DOCK5: variants seen among roughly 807,000 people sequenced by gnomAD.
The protein encoded by DOCK5 is dedicator of cytokinesis 5.
In DOCK5, 142 loss-of-function variants were observed where a neutral mutation model predicts 251.8. That is an observed-to-expected ratio of 0.56 (90% CI 0.49 to 0.65). DOCK5 has a LOEUF of 0.65. DOCK5 is among the 30% of genes least tolerant of loss of function. The pLI is 0.00. For missense variants in DOCK5, 2,111 were observed against 2,312.3 expected, an observed-to-expected ratio of 0.91 and a Z score of 1.79; for synonymous variants, 842 against 835.5, an observed-to-expected ratio of 1.01 and a Z score of -0.13.
At chr8:25,195,690 T>TC (rs1438113530) in intron 1 of DOCK5, among the ~76,000 whole-genome samples, 1 of 152,188 alleles carries the variant, frequency 6.6e-6, no homozygotes, top group Non-Finnish European at 1.5e-5. Context: ...AATCCCTGCT[T>TC]AGAGAGAGCC....
chr8:25,382,741 T>C lies in DOCK5; in HGVS notation c.4094T>C (p.Val1365Ala), dbSNP rs1801091631. The change falls in exon 40 of 52, where the codon GTT (valine) becomes GCT (alanine). Residue 1365 changes from valine (V) to alanine (A), a missense_variant. Transcript: ENST00000276440. ...AGGCCTCAGCCTGAATACTTTGCTGTTGGATACTATGGACAGGGCTTTCCT... is the reference window on the plus strand; with the variant it reads ...AGGCCTCAGCCTGAATACTTTGCTGCTGGATACTATGGACAGGGCTTTCCT... ...AMRPQPEYFAVGYYGQGFPSF... is the reference protein window; with the variant it reads ...AMRPQPEYFAAGYYGQGFPSF... 1 of 1,613,800 alleles carries C rather than the reference T, an allele frequency of 6.2e-7. No individual in the cohort carries two copies. The highest frequency in any genetic ancestry group is 8.5e-7 in the Non-Finnish European group (1 of 1,179,816).
intron 10 of DOCK5, among the ~76,000 whole-genome samples, chr8:25,303,546 C>G (rs1368602790): frequency 6.6e-6 from 1 of 152,106 alleles, no homozygotes; most frequent in East Asian, 1.9e-4. Flanking sequence ...ACATTTTGGG[C>G]CTTACATTGA....
chr8:25,402,498 A>G (rs1327287274), intron 47 of DOCK5, among the ~76,000 whole-genome samples: 3 of 152,096 alleles, frequency 2.0e-5, no homozygotes, highest in African/African-American at 4.8e-5. Context: ...AGGTTTCACC[A>G]TGTTAGCCGG....
At chr8:25,340,395 A>T (rs1409876306) in intron 22 of DOCK5, among the ~76,000 whole-genome samples, 2 of 152,240 alleles carry the variant, frequency 1.3e-5, no homozygotes, top group African/African-American at 4.8e-5. Flanking sequence ...TTGACCAGTT[A>T]GTGGTGAAAT....
In DOCK5 at chr8:25,412,079, T is replaced by TTTTTTG. The variant is rs1801641136; in HGVS notation, c.*786_*787insGTTTTT. 2.7e-4 allele frequency: 1 copy of TTTTTTG among 3,760 alleles called. No homozygotes were observed. The highest frequency in any genetic ancestry group is 3.4e-3 in the Admixed American group (1 of 294). 0.2% of individuals were successfully genotyped at this position (3,760 alleles called of 1,614,324 possible). A position where few individuals can be genotyped will look rare whatever the true frequency, so the allele number is the denominator to read the frequency against. On this transcript the variant is annotated 3_prime_UTR_variant, in exon 52 of 52. Transcript: ENST00000276440. ...AAGCTCTTCCTTTTGCACATACGGC[T>TTTTTTG]TTTTTTTTTTTTTTTTTTTTTTGTC...
chr8:25,237,936 G>A (rs1802843502), intron 1 of DOCK5, among the ~76,000 whole-genome samples: 1 of 151,130 alleles, frequency 6.6e-6, no homozygotes, highest in African/African-American at 2.5e-5. Context: ...AAGTGGTAAA[G>A]TTGAGTCTTG....
At chr8:25,190,444 A>G (rs1184641879) in intron 1 of DOCK5, among the ~76,000 whole-genome samples, 1 of 152,242 alleles carries the variant, frequency 6.6e-6, no homozygotes, top group Non-Finnish European at 1.5e-5. Flanking sequence ...AGATATCTGC[A>G]GTAACCATAC....
At chr8:25,248,237 CT>C (rs1406255794) in intron 2 of DOCK5, among the ~76,000 whole-genome samples, 2 of 152,194 alleles carry the variant, frequency 1.3e-5, no homozygotes, top group Non-Finnish European at 2.9e-5. Context: ...CTGCTAAGCA[CT>C]TAGAGTTCTT....
chr8:25,207,760 T>C (rs1802038437), intron 1 of DOCK5, among the ~76,000 whole-genome samples: 1 of 152,232 alleles, frequency 6.6e-6, no homozygotes, highest in South Asian at 2.1e-4. Flanking sequence ...GAGATTAATG[T>C]TTTCATGCCT....
chr8:25,400,715 TA>T (rs1801424497), intron 46 of DOCK5, among the ~76,000 whole-genome samples: 1 of 152,088 alleles, frequency 6.6e-6, no homozygotes, highest in African/African-American at 2.4e-5. Context: ...TTCCCCAGTT[TA>T]GGGCCAACCT....
At chr8:25,384,058 T>C (rs192013165) in intron 40 of DOCK5, among the ~76,000 whole-genome samples, 29 of 152,316 alleles carry the variant, frequency 1.9e-4, no homozygotes, top group African/African-American at 6.7e-4. Flanking sequence ...ATAAACAAAC[T>C]TCAGTGTATC....
intron 1 of DOCK5, among the ~76,000 whole-genome samples, chr8:25,234,796 C>T (rs1319517999): frequency 6.6e-6 from 1 of 152,192 alleles, no homozygotes; most frequent in East Asian, 1.9e-4. Flanking sequence ...TATTTAGCGG[C>T]CTGCAATAAA....
At chr8:25,308,565 T>A (rs1401512104) in intron 11 of DOCK5, among the ~76,000 whole-genome samples, 2 of 152,204 alleles carry the variant, frequency 1.3e-5, no homozygotes, top group Non-Finnish European at 2.9e-5. Context: ...TGTGTACTCT[T>A]GGGTTTTTTT....
At chr8:25,409,998 G>T in intron 50 of DOCK5, 101 bp from the exon 51 acceptor site, 1 of 902,342 alleles carries the variant, frequency 1.1e-6, no homozygotes, top group Non-Finnish European at 1.7e-6. Context: ...TTCATCAGTT[G>T]GTTGACCAGG....
At chr8:25,271,033 A>G (rs1459980341) in intron 3 of DOCK5, 1 of 439,736 alleles carries the variant, frequency 2.3e-6, no homozygotes, top group Non-Finnish European at 4.0e-6. Flanking sequence ...ATTTTTAATC[A>G]TCAGTTGGTT....
At position 25,292,035 on chromosome 8, in the gene DOCK5, C is replaced by G. The variant is rs1563340514; in HGVS notation, c.333C>G (p.Leu111=). ...TTTTCTCATCTTAGAACAACAAGCT[C>G]ACCCTCTTCCGCCAGCTGCAGCAGA... ...IWRKLYVNNK[L]TLFRQLQQMT... Residue 111 remains leucine (L), a synonymous_variant, in exon 6 of 52, where the codon CTC becomes CTG. Coordinates refer to ENST00000276440, the MANE Select transcript of DOCK5 (RefSeq NM_024940.8). The G allele has an allele frequency of 6.3e-7, 1 of 1,597,152 alleles. No individual in the cohort carries two copies. The highest frequency in any genetic ancestry group is 8.5e-7 in the Non-Finnish European group (1 of 1,171,942).
chr8:25,290,877 A>G (rs1331856993), intron 5 of DOCK5, among the ~76,000 whole-genome samples: 1 of 152,228 alleles, frequency 6.6e-6, no homozygotes, highest in Non-Finnish European at 1.5e-5. Context: ...TTCAAGGTAG[A>G]GACATCTAAG....
At chr8:25,336,685 A>C (rs528984444) in intron 22 of DOCK5, among the ~76,000 whole-genome samples, 1 of 152,324 alleles carries the variant, frequency 6.6e-6, no homozygotes, top group Non-Finnish European at 1.5e-5. Flanking sequence ...ATCTAGGATC[A>C]TGATCTGCTG....
chr8:25,343,188 T>G (rs1408967290), intron 25 of DOCK5, among the ~76,000 whole-genome samples: 1 of 151,742 alleles, frequency 6.6e-6, no homozygotes, highest in Non-Finnish European at 1.5e-5. Context: ...TTTGTATTTT[T>G]GGGAGAGGGG....
Sources: allele counts gnomAD v4.1 joint callset (sites outside exome capture counted in the v4.1 genomes callset), GRCh38; gene constraint gnomAD v4.1.1; transcripts MANE v1.5; gene names NCBI Gene and HGNC (gene_info 2026-07-23, HGNC 2026-07-21).